Variants in KLHL42 observed in about 807,000 individuals in gnomAD.
The protein encoded by KLHL42 is kelch like family member 42.
Under a neutral mutation model 32.7 loss-of-function variants are expected in KLHL42, and 27 were observed. The ratio of observed to expected loss-of-function variants is 0.83; its 90% confidence interval spans 0.61 to 1.14. The LOEUF (loss-of-function observed/expected upper bound fraction) is 1.14, where lower values mean the gene tolerates loss of function less well. Among genes scored for constraint, KLHL42 ranks in the 50% most tolerant of loss-of-function variants. The pLI is 0.00. For missense variants in KLHL42, 491 were observed against 560.8 expected (o/e 0.88, Z 1.26); for synonymous variants, 267 against 248.2 (o/e 1.08, Z -0.71).
chr12:27,794,204 G>T (rs1044170898), intron 2 of KLHL42, among the ~76,000 whole-genome samples: 1 of 152,146 alleles, frequency 6.6e-6, no homozygotes, highest in African/African-American at 2.4e-5. Context: ...TAGTTCTGGC[G>T]ACCAGAAGTC....
In KLHL42 at chr12:27,784,437, G is replaced by A. The variant is rs199984824; in HGVS notation, c.872+3235G>A. On this transcript the variant is annotated intron_variant, in intron 1 of 2. Transcript: ENST00000381271. ...ATTAAGTTGTGAGCCACCGCGCCCA[G>A]CTGTGTATGCATGTTTTAAATTTTG... is the stretch of plus-strand genomic sequence containing the variant. 2.0e-5 allele frequency among the ~76,000 whole-genome samples: 3 copies of A among 151,934 alleles called. No homozygotes were observed. The East Asian group carries it at 5.8e-4, about 29-fold the overall frequency.
chr12:27,784,324 G>C (rs1400396302), intron 1 of KLHL42, among the ~76,000 whole-genome samples: 2 of 149,164 alleles, frequency 1.3e-5, no homozygotes, highest in East Asian at 3.9e-4. Flanking sequence ...TGTATTTTTA[G>C]TAGAGAAGGG....
intron 1 of KLHL42, among the ~76,000 whole-genome samples, chr12:27,786,761 C>T (rs1402482656): frequency 2.4e-5 from 3 of 125,104 alleles, no homozygotes; most frequent in South Asian, 2.6e-4. Flanking sequence ...CTCGCTCTGT[C>T]GCCCAGGCTG....
intron 1 of KLHL42, among the ~76,000 whole-genome samples, chr12:27,789,850 A>G (rs2062188601): frequency 6.6e-6 from 1 of 152,200 alleles, no homozygotes; most frequent in South Asian, 2.1e-4. Flanking sequence ...TTAAGGGACA[A>G]GACGAGGCTC....
intron 2 of KLHL42, among the ~76,000 whole-genome samples, chr12:27,797,025 C>T (rs2062221825): frequency 6.6e-6 from 1 of 151,646 alleles, no homozygotes; most frequent in Non-Finnish European, 1.5e-5. Flanking sequence ...TTGTGAGGGA[C>T]ATGGGAAATG....
At chr12:27,797,085 T>G (rs1168050836) in intron 2 of KLHL42, among the ~76,000 whole-genome samples, 1 of 150,982 alleles carries the variant, frequency 6.6e-6, no homozygotes, top group African/African-American at 2.4e-5. Flanking sequence ...GGTGATATAA[T>G]GGGGAAACTA....
chr12:27,787,222 C>T (rs1021741553), intron 1 of KLHL42, among the ~76,000 whole-genome samples: 5 of 151,878 alleles, frequency 3.3e-5, no homozygotes, highest in African/African-American at 4.8e-5. Context: ...CCTCTAGGCA[C>T]GGCGGCTCAC....
rs566525145 is a variant in KLHL42, at chr12:27,794,838, C to T, written c.1067-2877C>T. ...CCCACTCCAAGTTTTCATTATTTGT[C>T]GAGCTATTCCCAATGTCCCTCTCTG... On this transcript the variant is annotated intron_variant, in intron 2 of 2. Coordinates refer to ENST00000381271, the MANE Select transcript of KLHL42 (RefSeq NM_020782.2). 2.0e-4 allele frequency among the ~76,000 whole-genome samples: 30 copies of T among 150,582 alleles called. No homozygotes were observed. In the South Asian group the frequency reaches 5.2e-3, roughly 26 times the overall value.
chr12:27,786,029 T>C (rs1453514085), intron 1 of KLHL42, among the ~76,000 whole-genome samples: 3 of 152,210 alleles, frequency 2.0e-5, no homozygotes, highest in Non-Finnish European at 4.4e-5. Flanking sequence ...ATCTAACTTA[T>C]TCTTCACAAG....
Position 27,781,066 on chromosome 12 carries a change from T to C in KLHL42, c.736T>C (p.Tyr246His). ...TCCCGACCTGGTCAATGTCAGGGGC[T>C]ATGGGTCTGCCATCCTGGACAACTA... ...LPPDLVNVRG[Y>H]GSAILDNYLF... Residue 246 changes from tyrosine (Y) to histidine (H), a missense_variant, in exon 1 of 3, where the codon TAT becomes CAT. Tyr to His is a moderately conservative substitution (Grantham distance 83). This residue lies in a region of KLHL42 where 248 missense variants were observed against 329.2 expected (regional missense o/e 0.75). Coordinates refer to ENST00000381271, the MANE Select transcript of KLHL42 (RefSeq NM_020782.2). 1 of 1,614,098 alleles carries C rather than the reference T, an allele frequency of 6.2e-7. No individual in the cohort carries two copies. The highest frequency in any genetic ancestry group is 1.7e-5 in the Admixed American group (1 of 60,016).
rs1364981594 is a variant in KLHL42 at position 27,797,823 on chromosome 12, C to A, written c.1175C>A (p.Thr392Asn). ...RKQQMVSVEE[T>N]IYIVGGCLHE... ...CAGCAGATGGTGTCTGTGGAAGAGACCATCTACATCGTGGGGGGGTGTCTC... is the reference window on the plus strand; with the variant it reads ...CAGCAGATGGTGTCTGTGGAAGAGAACATCTACATCGTGGGGGGGTGTCTC... Residue 392 changes from threonine (T) to asparagine (N), a missense_variant, in exon 3 of 3, where the codon ACC becomes AAC. Thr to Asn is a moderately conservative substitution (Grantham distance 65). Transcript: ENST00000381271. 1 of 777,892 alleles carries A rather than the reference C, an allele frequency of 1.3e-6. No individual in the cohort carries two copies. Among genetic ancestry groups the A allele is most frequent in the Admixed American group, 1.7e-5 (1 of 58,948 alleles). 48.2% of individuals were successfully genotyped at this position (777,892 alleles called of 1,614,324 possible).
chr12:27,794,450 CT>C (rs1461221186), intron 2 of KLHL42, among the ~76,000 whole-genome samples: 1 of 152,192 alleles, frequency 6.6e-6, no homozygotes, highest in African/African-American at 2.4e-5. Flanking sequence ...CCAGAAAGAT[CT>C]TAAGGTTTTT....
chr12:27,786,871 C>T lies in KLHL42; in HGVS notation c.873-4837C>T, dbSNP rs145813185. ...CCGAGTAGCTAGGACTACAGGTGCC[C>T]GCCACCATGCCTGGCTAATTTTTTT... On this transcript the variant is annotated intron_variant, in intron 1 of 2. Coordinates refer to ENST00000381271, the MANE Select transcript of KLHL42 (RefSeq NM_020782.2). Among the ~76,000 whole-genome samples the T allele has an allele frequency of 4.1e-3, 622 of 151,828 alleles. 3 individuals are homozygous for T. Among genetic ancestry groups the T allele is most frequent in the Non-Finnish European group, 6.6e-3 (446 of 67,928 alleles).
intron 1 of KLHL42, among the ~76,000 whole-genome samples, chr12:27,783,245 C>T (rs1199170427): frequency 6.6e-6 from 1 of 151,644 alleles, no homozygotes; most frequent in African/African-American, 2.4e-5. Flanking sequence ...ATCATCTTGA[C>T]GCTGAGTAGG....
chr12:27,785,575 G>A (rs2062168491), intron 1 of KLHL42, among the ~76,000 whole-genome samples: 1 of 152,022 alleles, frequency 6.6e-6, no homozygotes, highest in Non-Finnish European at 1.5e-5. Flanking sequence ...CCTCTGCTTT[G>A]ACTCAGGTAT....
intron 1 of KLHL42, among the ~76,000 whole-genome samples, chr12:27,782,889 C>T (rs2062155050): frequency 6.6e-6 from 1 of 152,054 alleles, no homozygotes; most frequent in Non-Finnish European, 1.5e-5. Context: ...AAAAAAGTGT[C>T]AGTGTATCAA....
rs1323874658 is a variant in KLHL42, at chr12:27,798,546, T to C, written c.*380T>C. On this transcript the variant is annotated 3_prime_UTR_variant, in exon 3 of 3. Transcript: ENST00000381271. ...TGTTGTATTTAGGTCCCTTGACATA[T>C]CATTAGCACCTTAAGTGAGAGGTTT... is the stretch of plus-strand genomic sequence containing the variant. 3 of 195,330 alleles carry C rather than the reference T, an allele frequency of 1.5e-5. No individual in the cohort carries two copies. The highest frequency in any genetic ancestry group is 1.9e-4 in the South Asian group (2 of 10,756). The allele number at this position is 195,330 out of a possible 1,614,324, so 12.1% of individuals were successfully genotyped here.
In KLHL42 at chr12:27,800,393, C is replaced by G; in HGVS notation, c.*2227C>G. 1 of 983,370 alleles carries G rather than the reference C, an allele frequency of 1.0e-6. No homozygotes were observed. Among genetic ancestry groups the G allele is most frequent in the Non-Finnish European group, 1.2e-6 (1 of 828,736 alleles). 60.9% of individuals were successfully genotyped at this position (983,370 alleles called of 1,614,324 possible). The stretch of plus-strand genomic sequence containing the variant: ...GTGTGTATGTTTGCATATTATAGCT[C>G]TCTTTAAGACAGACATCTAAAAAGA... On this transcript the variant is annotated 3_prime_UTR_variant, in exon 3 of 3. Coordinates refer to ENST00000381271, the MANE Select transcript of KLHL42 (RefSeq NM_020782.2).
intron 1 of KLHL42, among the ~76,000 whole-genome samples, chr12:27,785,445 G>C (rs2062168004): frequency 6.6e-6 from 1 of 152,074 alleles, no homozygotes; most frequent in African/African-American, 2.4e-5. Context: ...CTGGCCTCAG[G>C]TAATCCTCCC....
Sources: allele counts gnomAD v4.1 joint callset (sites outside exome capture counted in the v4.1 genomes callset), GRCh38; gene constraint gnomAD v4.1.1; regional missense constraint gnomAD v4.1.1; transcripts MANE v1.5; gene names NCBI Gene and HGNC (gene_info 2026-07-23, HGNC 2026-07-21).